Variants in RYR3 observed in about 807,000 individuals in gnomAD.
RYR3 encodes the protein brain ryanodine receptor-calcium release channel.
RYR3 carries 207 observed loss-of-function variants against 584.3 expected under a neutral mutation model. The observed-to-expected ratio is 0.35, with a 90% CI of 0.32 to 0.40. The LOEUF (loss-of-function observed/expected upper bound fraction) is 0.40, where lower values mean the gene tolerates loss of function less well. RYR3 is among the 10% of genes least tolerant of loss of function. The pLI is 1.00. For synonymous variants in RYR3, 2,416 were observed against 2,248.5 expected (o/e 1.07, Z -2.11); for missense variants, 5,616 against 6,089.2 (o/e 0.92, Z 2.59).
intron 43 of RYR3, among the ~76,000 whole-genome samples, chr15:33,711,494 C>T (rs182625156): frequency 7.9e-5 from 12 of 152,242 alleles, no homozygotes; most frequent in East Asian, 7.7e-4. Context: ...CCACCCGCCT[C>T]GGCCTCCCAA....
chr15:33,613,095 C>T (rs1000617876), intron 18 of RYR3, 88 bp from the exon 19 acceptor site: 1 of 952,524 alleles, frequency 1.0e-6, no homozygotes. Flanking sequence ...TCACACCTCC[C>T]CACCTCCCGC....
At chr15:33,771,649 T>C (rs1270358521) in intron 62 of RYR3, among the ~76,000 whole-genome samples, 2 of 152,216 alleles carry the variant, frequency 1.3e-5, no homozygotes, top group Non-Finnish European at 2.9e-5. Flanking sequence ...TAATAGTGGG[T>C]GACCAATATT....
Position 33,841,863 on chromosome 15 carries a change from G to C in RYR3, c.13038-1G>C. On this transcript the variant is annotated splice_acceptor_variant, in intron 90 of 103. Coordinates refer to ENST00000634891, the MANE Select transcript of RYR3 (RefSeq NM_001036.6). LOFTEE classifies it high-confidence loss of function. The stretch of plus-strand genomic sequence containing the variant: ...GCTGAGTGGGTTTCCCATTTCTGCA[G>C]CATGGAAGATGGAGAGAAGGAAGAC... 6.3e-7 allele frequency: 1 copy of C among 1,590,192 alleles called. No homozygotes were observed. The highest frequency in any genetic ancestry group is 8.6e-7 in the Non-Finnish European group (1 of 1,168,304).
rs1194268304 is a variant in RYR3, at chr15:33,808,422, G to GC, written c.10026+856dup. Among the ~76,000 whole-genome samples, 3 of 152,240 alleles carry GC rather than the reference G, an allele frequency of 2.0e-5. No individual in the cohort carries two copies. The South Asian group carries it at 6.2e-4, about 32-fold the overall frequency. The stretch of plus-strand genomic sequence containing the variant: ...TTATGATTAGAAGGACATGAGATTG[G>GC]CCCAATCAAATAGAGAGTGAGCAGG... On this transcript the variant is annotated intron_variant, in intron 70 of 103. Coordinates refer to ENST00000634891, the MANE Select transcript of RYR3 (RefSeq NM_001036.6).
chr15:33,806,707 A>T (rs549320246), intron 69 of RYR3, among the ~76,000 whole-genome samples: 24 of 152,122 alleles, frequency 1.6e-4, no homozygotes, highest in African/African-American at 5.5e-4. Flanking sequence ...GTGATTCTGA[A>T]TCACTTTGGA....
At chr15:33,661,686 A>T (rs1040655867) in intron 34 of RYR3, among the ~76,000 whole-genome samples, 2 of 152,284 alleles carry the variant, frequency 1.3e-5, no homozygotes, top group East Asian at 1.9e-4. Context: ...TTACACTCCT[A>T]TGAAAATCTA....
In RYR3 at chr15:33,533,341, C is replaced by T; in HGVS notation, c.385C>T (p.Gln129Ter). The T allele has an allele frequency of 6.2e-7, 1 of 1,608,350 alleles. No homozygotes were observed. The change falls in exon 5 of 104, where the codon CAG (glutamine) becomes TAG (stop). Residue 129 changes from glutamine to a stop codon, truncating the protein, a stop_gained. Coordinates refer to ENST00000634891, the MANE Select transcript of RYR3 (RefSeq NM_001036.6). LOFTEE classifies it high-confidence loss of function. ...YLTCLTTSRS[Q>*]TDKLAFDVGL... ...AACATGCTTGACTACATCAAGATCC[C>T]AGACAGACAAACTTGCCTTTGATGT... is the stretch of plus-strand genomic sequence containing the variant.
intron 31 of RYR3, among the ~76,000 whole-genome samples, chr15:33,652,247 G>A (rs1314790801): frequency 2.6e-5 from 4 of 152,128 alleles, no homozygotes; most frequent in Admixed American, 2.6e-4. Flanking sequence ...TAAGGAATGT[G>A]GGCCCGAGTT....
At chr15:33,541,187 C>A (rs1432294083) in intron 7 of RYR3, among the ~76,000 whole-genome samples, 1 of 152,082 alleles carries the variant, frequency 6.6e-6, no homozygotes, top group Non-Finnish European at 1.5e-5. Context: ...TGAGTTTCCA[C>A]AATTTTATTT....
chr15:33,755,084 C>T lies in RYR3; in HGVS notation c.8419C>T (p.Leu2807=). ...IVSRGMKDME[L]DASSMEKRFA... ...ACGTAGGGGTATGAAGGATATGGAG[C>T]TGGATGCCTCCTCCATGGAGAAGAG... Residue 2807 remains leucine (L), a synonymous_variant, in exon 58 of 104, where the codon CTG becomes TTG. Transcript: ENST00000634891. 6.2e-7 allele frequency: 1 copy of T among 1,609,950 alleles called. No individual in the cohort carries two copies. Among genetic ancestry groups the T allele is most frequent in the Non-Finnish European group, 8.5e-7 (1 of 1,176,808 alleles).
intron 3 of RYR3, among the ~76,000 whole-genome samples, chr15:33,529,702 G>A (rs16971919): frequency 0.082 from 12,520 of 152,202 alleles, 642 homozygotes; most frequent in Middle Eastern, 0.13. Context: ...TTAGCATGAT[G>A]AAGAGATACT....
At chr15:33,626,286 A>T (rs915500780) in intron 20 of RYR3, among the ~76,000 whole-genome samples, 3 of 152,178 alleles carry the variant, frequency 2.0e-5, no homozygotes, top group African/African-American at 7.2e-5. Context: ...TCAGATGGAG[A>T]TAGAGGAACT....
In RYR3 at chr15:33,859,621, T is replaced by A. The variant is rs1296304871; in HGVS notation, c.14189T>A (p.Ile4730Asn). ...GTGGGAGTGAGAGCAGGAGGTGGCA[T>A]TGGTGATGAAATTGAAGACCCTGCT... is the stretch of plus-strand genomic sequence containing the variant. ...MYVGVRAGGG[I>N]GDEIEDPAGD... The change falls in exon 100 of 104, where the codon ATT becomes AAT. Residue 4730 changes from isoleucine (I) to asparagine (N), a missense_variant. Physicochemically the swap from Ile to Asn is moderately radical, Grantham distance 149 (BLOSUM62 -3). Around this residue, in one of 9 missense-constraint regions of RYR3, gnomAD observed 918 missense variants for 887.4 expected, o/e 1.03. Transcript: ENST00000634891. 6.2e-7 allele frequency: 1 copy of A among 1,614,060 alleles called. No individual in the cohort carries two copies. The highest frequency in any genetic ancestry group is 8.5e-7 in the Non-Finnish European group (1 of 1,179,886).
intron 89 of RYR3, among the ~76,000 whole-genome samples, 194 bp downstream of exon 89, chr15:33,839,152 CA>C (rs2078214673): frequency 6.6e-6 from 1 of 152,174 alleles, no homozygotes; most frequent in African/African-American, 2.4e-5. Flanking sequence ...ATGGTTATCT[CA>C]GTGCCTAGTC....
Position 33,821,227 on chromosome 15 carries a change from T to C in RYR3, c.10816-43T>C, listed in dbSNP as rs1265104092. 4 of 1,499,388 alleles carry C rather than the reference T, an allele frequency of 2.7e-6. No individual in the cohort carries two copies. In the South Asian group the frequency reaches 4.8e-5, roughly 18 times the overall value. 92.9% of individuals were successfully genotyped at this position (1,499,388 alleles called of 1,614,324 possible). On this transcript the variant is annotated intron_variant, in intron 78 of 103. Coordinates refer to ENST00000634891, the MANE Select transcript of RYR3 (RefSeq NM_001036.6). ...TCACTATGGGTGAACTCCCTGGTGC[T>C]GGGTAGGAACCAATCTTTCCCTGTG...
chr15:33,669,422 G>A lies in RYR3; in HGVS notation c.5688G>A (p.Leu1896=), dbSNP rs1286314541. The part of the protein sequence containing the change: ...CPCPEEIREE[L]YDFHEDLLLH... ...GCCCAGAGGAGATTCGGGAGGAGCT[G>A]TATGATTTCCATGAGGACCTTCTCC... Residue 1896 remains leucine (L), a synonymous_variant, in exon 37 of 104, where the codon CTG becomes CTA. Transcript: ENST00000634891. The A allele has an allele frequency of 1.2e-6, 2 of 1,613,830 alleles. No individual in the cohort carries two copies. The highest frequency in any genetic ancestry group is 2.7e-5 in the African/African-American group (2 of 74,912).
rs375743980 is a variant in RYR3, at chr15:33,730,707, T to C, written c.7204-767T>C. On this transcript the variant is annotated intron_variant, in intron 47 of 103. Transcript: ENST00000634891. ...GTTCTATAGTTTTCAAAGATGGTGGTAAAGCATGCTTTGGCTATACTTAGT... is the reference window on the plus strand; with the variant it reads ...GTTCTATAGTTTTCAAAGATGGTGGCAAAGCATGCTTTGGCTATACTTAGT... 1.2e-3 allele frequency among the ~76,000 whole-genome samples: 183 copies of C among 152,348 alleles called. 7 individuals carry two copies. In the South Asian group the frequency reaches 0.037, roughly 31 times the overall value.
intron 16 of RYR3, 115 bp downstream of exon 16, chr15:33,586,231 T>C (rs1019451787): frequency 4.3e-6 from 3 of 698,486 alleles, no homozygotes; most frequent in Non-Finnish European, 7.5e-6. Flanking sequence ...TTGATAAAAA[T>C]CTTGGGAAAC....
At chr15:33,581,432 C>A in intron 13 of RYR3, 76 bp from the exon 14 acceptor site, 1 of 1,421,964 alleles carries the variant, frequency 7.0e-7, no homozygotes, top group Non-Finnish European at 9.8e-7. Flanking sequence ...GTGAATGATA[C>A]AGGAGGGGAA....
Sources: allele counts gnomAD v4.1 joint callset (sites outside exome capture counted in the v4.1 genomes callset), GRCh38; gene constraint gnomAD v4.1.1; regional missense constraint gnomAD v4.1.1; transcripts MANE v1.5; gene names NCBI Gene and HGNC (gene_info 2026-07-23, HGNC 2026-07-21).